CEACAM18: variants seen among roughly 807,000 people sequenced by gnomAD.
The protein encoded by CEACAM18 is CEA cell adhesion molecule 18.
CEACAM18 carries 33 observed loss-of-function variants against 34.3 expected under a neutral mutation model. The observed-to-expected ratio is 0.96, with a 90% CI of 0.73 to 1.29. The LOEUF is 1.29. Among genes scored for constraint, CEACAM18 ranks in the 50% most tolerant of loss-of-function variants. CEACAM18 has a pLI of 0.00. For synonymous variants in CEACAM18, 169 were observed against 180.9 expected, an observed-to-expected ratio of 0.93 and a Z score of 0.53; for missense variants, 474 against 485.0, an observed-to-expected ratio of 0.98 and a Z score of 0.21.
chr19:51,478,668 G>T, exon 1 of CEACAM18: 1 of 1,495,610 alleles, frequency 6.7e-7, no homozygotes, highest in South Asian at 1.3e-5. Flanking sequence ...CCCAGATGGA[G>T]CCTGTGGAGG....
chr19:51,489,437 G>A (rs1990053814), intron 5 of CEACAM18, among the ~76,000 whole-genome samples: 1 of 151,904 alleles, frequency 6.6e-6, no homozygotes, highest in Admixed American at 6.6e-5. Context: ...GATTGGATCT[G>A]GATACCACCC....
chr19:51,481,779 G>T, intron 3 of CEACAM18, 114 bp downstream of exon 3: 1 of 1,094,750 alleles, frequency 9.1e-7, no homozygotes, highest in Admixed American at 2.8e-5. Context: ...GGGCCAGCCT[G>T]CAGCCAGCTC....
intron 3 of CEACAM18, among the ~76,000 whole-genome samples, chr19:51,482,483 T>A (rs1251858023): frequency 6.6e-6 from 1 of 152,156 alleles, no homozygotes; most frequent in Non-Finnish European, 1.5e-5. Context: ...GGGTGAACAA[T>A]TTCTGACCTC....
chr19:51,489,447 C>T (rs112297327), intron 5 of CEACAM18, among the ~76,000 whole-genome samples: 4,047 of 152,018 alleles, frequency 0.027, 83 homozygotes, highest in African/African-American at 0.06. Flanking sequence ...GGATACCACC[C>T]AAAAGGCACA....
rs1217323303 is a variant in CEACAM18, at chr19:51,480,577, C to A, written c.297C>A (p.Ser99Arg). 4.3e-6 allele frequency: 7 copies of A among 1,613,972 alleles called. No individual in the cohort carries two copies. In the South Asian group the frequency reaches 5.5e-5, roughly 13 times the overall value. The change falls in exon 2 of 6, where the codon AGC (serine) becomes AGA (arginine). Residue 99 changes from serine to arginine, a missense_variant. By Grantham distance (110) the Ser-to-Arg change is moderately radical. Coordinates refer to ENST00000396477, the Ensembl canonical transcript of CEACAM18. ...GGGAGAGAGTGAACAGAGAAGGCAG[C>A]CTGTTGATCAGGCCGACTGCATTAA...
At chr19:51,486,356 G>C (rs1470134909) in intron 5 of CEACAM18, among the ~76,000 whole-genome samples, 2 of 152,162 alleles carry the variant, frequency 1.3e-5, no homozygotes. Flanking sequence ...TTTTCTGTGA[G>C]CTCTGGGGTG....
chr19:51,484,147 A>G (rs987028551), intron 4 of CEACAM18, among the ~76,000 whole-genome samples: 1 of 152,170 alleles, frequency 6.6e-6, no homozygotes, highest in Admixed American at 6.5e-5. Context: ...TGTGCAAGAA[A>G]GTACAGAAGA....
exon 2 of CEACAM18, chr19:51,480,365 T>A (rs1399266854): frequency 1.4e-5 from 22 of 1,611,746 alleles, no homozygotes; most frequent in Non-Finnish European, 1.8e-5. Context: ...CTGCCAGGCC[T>A]CTGGCCAAAT....
chr19:51,481,270 T>A, intron 2 of CEACAM18, 123 bp from the exon 3 acceptor site: 1 of 1,050,236 alleles, frequency 9.5e-7, no homozygotes, highest in Non-Finnish European at 1.4e-6. Flanking sequence ...CTTGCCAGGA[T>A]GCCAGATCTT....
intron 1 of CEACAM18, among the ~76,000 whole-genome samples, chr19:51,479,699 G>A (rs548414144): frequency 4.1e-4 from 62 of 152,300 alleles, no homozygotes; most frequent in Middle Eastern, 3.4e-3. Context: ...TCAGCAAGGA[G>A]GGTGCAGATG....
intron 5 of CEACAM18, among the ~76,000 whole-genome samples, chr19:51,488,312 C>G (rs929574499): frequency 6.6e-6 from 1 of 152,218 alleles, no homozygotes; most frequent in Non-Finnish European, 1.5e-5. Context: ...GATGTGCTTA[C>G]TGTGTACCAA....
At chr19:51,480,592 G>A (rs1463120441) in exon 2 of CEACAM18, 3 of 1,613,844 alleles carry the variant, frequency 1.9e-6, no homozygotes, top group African/African-American at 1.3e-5. Context: ...TGATCAGGCC[G>A]ACTGCATTAA....
At chr19:51,484,159 AT>A (rs1449451687) in intron 4 of CEACAM18, among the ~76,000 whole-genome samples, 1 of 152,154 alleles carries the variant, frequency 6.6e-6, no homozygotes, top group East Asian at 1.9e-4. Context: ...TACAGAAGAC[AT>A]TACAGGATGT....
At chr19:51,481,710 G>T in intron 3 of CEACAM18, 45 bp downstream of exon 3, 6 of 1,567,104 alleles carry the variant, frequency 3.8e-6, no homozygotes, top group Non-Finnish European at 4.3e-6. Flanking sequence ...GCTGGTCTCA[G>T]GGCTTTCTAG....
chr19:51,488,851 C>T (rs1448230748), intron 5 of CEACAM18, among the ~76,000 whole-genome samples: 1 of 152,060 alleles, frequency 6.6e-6, no homozygotes, highest in East Asian at 1.9e-4. Flanking sequence ...TGCATTTTTG[C>T]TTTTGTGGGC....
exon 6 of CEACAM18, chr19:51,490,826 A>G: frequency 2.5e-6 from 1 of 395,638 alleles, no homozygotes; most frequent in Non-Finnish European, 4.4e-6. Context: ...CCTGAAGATG[A>G]TGTCGTGGGT....
rs759441572 is a variant in CEACAM18 at position 51,481,510 on chromosome 19, T to C, written c.518T>C (p.Val173Ala). The C allele has an allele frequency of 9.3e-6, 15 of 1,613,888 alleles. No homozygotes were observed. In the African/African-American group the frequency reaches 2.0e-4, roughly 22 times the overall value. ...AACATCACGTGGTATGTGAATGATG[T>C]GCCTACCTCTAGTAGTGACCGGATG... The change falls in exon 3 of 6, where the codon GTG (valine) becomes GCG (alanine). Residue 173 changes from valine to alanine, a missense_variant. By Grantham distance (64) the Val-to-Ala change is moderately conservative (BLOSUM62 0). Transcript: ENST00000396477.
chr19:51,483,114 C>T, exon 4 of CEACAM18: 1 of 1,614,026 alleles, frequency 6.2e-7, no homozygotes, highest in Non-Finnish European at 8.5e-7. Context: ...AGTGTATCTG[C>T]TATTCCTTCC....
At chr19:51,483,246 C>T (rs529356930) in exon 4 of CEACAM18, 51 of 1,614,016 alleles carry the variant, frequency 3.2e-5, no homozygotes, top group South Asian at 2.2e-4. Flanking sequence ...TGGAGAACCC[C>T]GTGACACAGC....
Sources: allele counts gnomAD v4.1 joint callset (sites outside exome capture counted in the v4.1 genomes callset), GRCh38; gene constraint gnomAD v4.1.1; transcripts MANE v1.5; gene names NCBI Gene and HGNC (gene_info 2026-07-23, HGNC 2026-07-21).